Variants in RFX3 observed in about 807,000 individuals in gnomAD.
RFX3 encodes the protein transcription factor RFX3.
In RFX3, 14 loss-of-function variants were observed where a neutral mutation model predicts 98.6. The ratio of observed to expected loss-of-function variants is 0.14; its 90% CI spans 0.09 to 0.22. The LOEUF is 0.22. RFX3 is among the 10% of genes least tolerant of loss of function. RFX3 has a pLI of 1.00. For synonymous variants in RFX3, 383 were observed against 328.4 expected (o/e 1.17, Z -1.80); for missense variants, 639 against 926.9 (o/e 0.69, Z 4.03).
intron 2 of RFX3, among the ~76,000 whole-genome samples, chr9:3,365,976 C>G (rs1837017124): frequency 6.6e-6 from 1 of 151,936 alleles, no homozygotes; most frequent in African/African-American, 2.4e-5. Context: ...GGGAGGCTGT[C>G]TGTGTGGCAG....
At chr9:3,225,765 T>G (rs687511) in intron 16 of RFX3, among the ~76,000 whole-genome samples, 2 of 152,004 alleles carry the variant, frequency 1.3e-5, no homozygotes, top group African/African-American at 4.8e-5. Flanking sequence ...CTTAACATTA[T>G]TATTCCATGT....
At chr9:3,432,472 A>G (rs1345137700) in intron 1 of RFX3, among the ~76,000 whole-genome samples, 2 of 152,152 alleles carry the variant, frequency 1.3e-5, no homozygotes, top group East Asian at 3.9e-4. Flanking sequence ...AAGCTATCAA[A>G]GCCCAAACCA....
At chr9:3,311,350 T>C (rs1313298469) in intron 4 of RFX3, among the ~76,000 whole-genome samples, 1 of 152,142 alleles carries the variant, frequency 6.6e-6, no homozygotes, top group Non-Finnish European at 1.5e-5. Context: ...AGACTTATGT[T>C]TAGAAAAGGG....
At chr9:3,254,680 G>T (rs137865461) in intron 14 of RFX3, among the ~76,000 whole-genome samples, 3 of 152,188 alleles carry the variant, frequency 2.0e-5, no homozygotes, top group African/African-American at 7.2e-5. Context: ...TGGGATTACA[G>T]GCGTGAGCCA....
intron 15 of RFX3, among the ~76,000 whole-genome samples, chr9:3,243,170 G>T (rs1820188843): frequency 6.6e-6 from 1 of 151,782 alleles, no homozygotes; most frequent in South Asian, 2.1e-4. Context: ...TATTTAACAG[G>T]TATGTAAACA....
intron 1 of RFX3, among the ~76,000 whole-genome samples, chr9:3,412,647 A>G (rs1421577133): frequency 6.6e-6 from 1 of 152,156 alleles, no homozygotes; most frequent in Non-Finnish European, 1.5e-5. Context: ...GAGATGCAAC[A>G]TGGTTGCAGT....
At chr9:3,457,155 A>G (rs1267049122) in intron 1 of RFX3, among the ~76,000 whole-genome samples, 4 of 150,048 alleles carry the variant, frequency 2.7e-5, no homozygotes, top group Admixed American at 1.3e-4. Context: ...AAAAAAAAAA[A>G]AAAAAAAAAA....
At chr9:3,408,456 T>C (rs1842156296) in intron 1 of RFX3, among the ~76,000 whole-genome samples, 1 of 152,112 alleles carries the variant, frequency 6.6e-6, no homozygotes, top group Admixed American at 6.6e-5. Flanking sequence ...CAAATGCTTA[T>C]ATAGAACATA....
intron 4 of RFX3, among the ~76,000 whole-genome samples, chr9:3,310,737 G>A (rs1321509985): frequency 1.3e-5 from 2 of 152,066 alleles, no homozygotes; most frequent in Non-Finnish European, 2.9e-5. Flanking sequence ...GAACTTTCTT[G>A]GGTATTAACT....
In RFX3 at chr9:3,224,926, A is replaced by T; in HGVS notation, c.*116T>A. 1 of 1,022,412 alleles carries T rather than the reference A, an allele frequency of 9.8e-7. No individual in the cohort carries two copies. The highest frequency in any genetic ancestry group is 1.4e-6 in the Non-Finnish European group (1 of 694,860). 63.3% of individuals were successfully genotyped at this position (1,022,412 alleles called of 1,614,324 possible). On this transcript the variant is annotated 3_prime_UTR_variant, in exon 17 of 17. Coordinates refer to ENST00000617270, the MANE Select transcript of RFX3 (RefSeq NM_001282116.2). The stretch of plus-strand genomic sequence containing the variant: ...TTCCATTTCACAACTCCAAAAAGTT[A>T]ATGTTCAGCACAGATAGAATTTGAC...
intron 1 of RFX3, among the ~76,000 whole-genome samples, chr9:3,396,815 G>A (rs967099099): frequency 6.6e-6 from 1 of 152,094 alleles, no homozygotes; most frequent in Admixed American, 6.5e-5. Context: ...TTTTTCATGT[G>A]TCTTTTGGCT....
At chr9:3,373,019 T>C (rs1466416366) in intron 2 of RFX3, among the ~76,000 whole-genome samples, 3 of 152,180 alleles carry the variant, frequency 2.0e-5, no homozygotes, top group Admixed American at 6.5e-5. Context: ...AAACTAAAAA[T>C]AATATCAAAA....
chr9:3,480,691 T>C (rs1849674365), intron 1 of RFX3, among the ~76,000 whole-genome samples: 1 of 152,208 alleles, frequency 6.6e-6, no homozygotes, highest in Admixed American at 6.6e-5. Context: ...GGAATCTTAA[T>C]TATAAGTGGA....
intron 1 of RFX3, among the ~76,000 whole-genome samples, chr9:3,459,081 T>G (rs893456313): frequency 1.3e-5 from 2 of 152,164 alleles, no homozygotes; most frequent in Non-Finnish European, 2.9e-5. Context: ...TGAGTATGTC[T>G]TGGGAGCTCA....
At chr9:3,284,844 A>G (rs904261599) in intron 7 of RFX3, among the ~76,000 whole-genome samples, 3 of 151,684 alleles carry the variant, frequency 2.0e-5, no homozygotes, top group African/African-American at 4.8e-5. Flanking sequence ...TGCAGGCTCT[A>G]TGACATCTGC....
At chr9:3,470,611 A>G (rs1587785295) in intron 1 of RFX3, among the ~76,000 whole-genome samples, 1 of 152,050 alleles carries the variant, frequency 6.6e-6, no homozygotes, top group East Asian at 1.9e-4. Context: ...ACAGGCAGTG[A>G]GCCACCGCAC....
intron 6 of RFX3, among the ~76,000 whole-genome samples, chr9:3,292,117 T>G (rs1248034573): frequency 2.3e-5 from 3 of 127,832 alleles, no homozygotes; most frequent in Admixed American, 1.7e-4. Context: ...ACGAAAATAC[T>G]CTGAAGTTGT....
chr9:3,307,427 G>C (rs1829458910), intron 4 of RFX3, among the ~76,000 whole-genome samples: 1 of 152,084 alleles, frequency 6.6e-6, no homozygotes, highest in Non-Finnish European at 1.5e-5. Context: ...TAGGATAGGA[G>C]AGAATCTAGA....
At chr9:3,385,406 A>T (rs1490345120) in intron 2 of RFX3, among the ~76,000 whole-genome samples, 1 of 152,128 alleles carries the variant, frequency 6.6e-6, no homozygotes, top group African/African-American at 2.4e-5. Flanking sequence ...ACAGTAAGTG[A>T]TCTGTTGAAG....
Sources: allele counts gnomAD v4.1 joint callset (sites outside exome capture counted in the v4.1 genomes callset), GRCh38; gene constraint gnomAD v4.1.1; transcripts MANE v1.5; gene names NCBI Gene and HGNC (gene_info 2026-07-23, HGNC 2026-07-21).